The following CALN1 variants were observed in gnomAD, a reference collection of about 807,000 sequenced individuals.
CALN1 encodes the protein calcium-binding protein 8.
CALN1 carries 17 observed loss-of-function variants against 30.6 expected under a neutral mutation model. The ratio of observed to expected loss-of-function variants is 0.56; its 90% CI spans 0.38 to 0.83. CALN1 has a LOEUF of 0.83. Among genes scored for constraint, CALN1 ranks in the 40% least tolerant of loss-of-function variants. CALN1 has a pLI of 0.00. For synonymous variants in CALN1, 156 were observed against 131.4 expected, an observed-to-expected ratio of 1.19 and a Z score of -1.28; for missense variants, 291 against 354.9, an observed-to-expected ratio of 0.82 and a Z score of 1.45.
chr7:71,898,606 G>A (rs1455025047), intron 5 of CALN1, among the ~76,000 whole-genome samples: 1 of 152,106 alleles, frequency 6.6e-6, no homozygotes, highest in Non-Finnish European at 1.5e-5. Flanking sequence ...AAATATACAA[G>A]CCATGGTTTG....
At chr7:72,126,513 C>T (rs1808774978) in intron 3 of CALN1, among the ~76,000 whole-genome samples, 1 of 151,998 alleles carries the variant, frequency 6.6e-6, no homozygotes, top group Admixed American at 6.6e-5. Flanking sequence ...GGATAGACAC[C>T]CAAAAGAAAA....
upstream of CALN1, among the ~76,000 whole-genome samples, chr7:72,451,210 AG>A (rs879627224): frequency 3.3e-3 from 348 of 106,324 alleles, 1 homozygote; most frequent in East Asian, 8.8e-3. Flanking sequence ...AAGAAGAAGA[AG>A]GAGGAGGAGG....
At chr7:72,343,203 G>C (rs186823805) in intron 2 of CALN1, among the ~76,000 whole-genome samples, 1 of 152,312 alleles carries the variant, frequency 6.6e-6, no homozygotes, top group East Asian at 1.9e-4. Flanking sequence ...AGGGCTTATT[G>C]GAAGCTGGAG....
intron 2 of CALN1, among the ~76,000 whole-genome samples, chr7:72,378,730 A>G (rs1377856121): frequency 6.6e-6 from 1 of 151,268 alleles, no homozygotes; most frequent in Non-Finnish European, 1.5e-5. Flanking sequence ...CAAATATAAC[A>G]TCTTTTTCTG....
chr7:72,022,622 G>A (rs1800766639), intron 5 of CALN1, among the ~76,000 whole-genome samples: 1 of 152,132 alleles, frequency 6.6e-6, no homozygotes, highest in South Asian at 2.1e-4. Flanking sequence ...TTGAACTCCT[G>A]GCCTCAAGCG....
intron 3 of CALN1, among the ~76,000 whole-genome samples, chr7:72,198,882 C>A (rs190686267): frequency 6.6e-6 from 1 of 152,306 alleles, no homozygotes; most frequent in East Asian, 1.9e-4. Context: ...AGGAGGTCAT[C>A]AAGCTCTCAC....
chr7:72,074,593 A>C (rs1804611433), intron 4 of CALN1, among the ~76,000 whole-genome samples: 1 of 152,138 alleles, frequency 6.6e-6, no homozygotes, highest in East Asian at 1.9e-4. Context: ...TTTTTAGTAG[A>C]GATGGGGTTT....
intron 1 of CALN1, among the ~76,000 whole-genome samples, chr7:72,403,854 T>TG (rs1167867682): frequency 6.6e-6 from 1 of 152,186 alleles, no homozygotes; most frequent in Non-Finnish European, 1.5e-5. Context: ...AGAAACTAAA[T>TG]GGGGGACTGA....
intron 5 of CALN1, among the ~76,000 whole-genome samples, chr7:72,020,670 T>C (rs1407797863): frequency 6.6e-6 from 1 of 152,224 alleles, no homozygotes; most frequent in Non-Finnish European, 1.5e-5. Context: ...CCCTCCTTTC[T>C]CCAGCCTATC....
intron 4 of CALN1, among the ~76,000 whole-genome samples, chr7:72,024,322 T>G (rs1311501789): frequency 6.6e-6 from 1 of 152,238 alleles, no homozygotes; most frequent in Non-Finnish European, 1.5e-5. Context: ...CACTCTTACC[T>G]TCGCAGTCTC....
At chr7:72,273,043 C>T (rs1275043180) in intron 3 of CALN1, among the ~76,000 whole-genome samples, 2 of 151,994 alleles carry the variant, frequency 1.3e-5, no homozygotes, top group African/African-American at 4.8e-5. Context: ...CAGGAACAAC[C>T]ACCGAGACCC....
intron 2 of CALN1, among the ~76,000 whole-genome samples, chr7:72,393,031 T>C (rs1007516297): frequency 1.3e-5 from 2 of 151,830 alleles, no homozygotes; most frequent in South Asian, 2.1e-4. Flanking sequence ...ACCAGGAGTG[T>C]GTTAGATGAA....
intron 2 of CALN1, among the ~76,000 whole-genome samples, chr7:72,319,043 A>G (rs1055223108): frequency 1.3e-5 from 2 of 152,172 alleles, no homozygotes; most frequent in African/African-American, 2.4e-5. Flanking sequence ...TATCTACCCA[A>G]AGGAAAAGAA....
intron 5 of CALN1, among the ~76,000 whole-genome samples, chr7:72,016,278 A>G (rs982377285): frequency 3.3e-5 from 5 of 151,254 alleles, no homozygotes; most frequent in African/African-American, 1.2e-4. Flanking sequence ...GTCACTGTCA[A>G]TGATTGAATA....
At chr7:72,192,336 G>A (rs568546236) in intron 3 of CALN1, among the ~76,000 whole-genome samples, 3 of 152,032 alleles carry the variant, frequency 2.0e-5, no homozygotes, top group Non-Finnish European at 4.4e-5. Flanking sequence ...CTCCTGCCTC[G>A]GTCTTAGAAG....
At chr7:72,444,994 C>G (rs898007319) in intron 1 of CALN1, among the ~76,000 whole-genome samples, 2 of 148,784 alleles carry the variant, frequency 1.3e-5, no homozygotes, top group Admixed American at 6.8e-5. Flanking sequence ...GTTGCCAGAT[C>G]TAAACAAACT....
intron 3 of CALN1, among the ~76,000 whole-genome samples, chr7:72,194,592 CTTTTTTTT>C (rs1181135798): frequency 2.6e-5 from 3 of 115,686 alleles, no homozygotes; most frequent in African/African-American, 9.8e-5. Context: ...TAACTGGCCT[CTTTTTTTT>C]TTTTTTTTTT....
intron 3 of CALN1, among the ~76,000 whole-genome samples, chr7:72,221,142 T>C (rs1793256723): frequency 6.6e-6 from 1 of 152,098 alleles, no homozygotes; most frequent in South Asian, 2.1e-4. Context: ...TCTAAAACCA[T>C]AAACATGATG....
intron 4 of CALN1, among the ~76,000 whole-genome samples, chr7:72,054,056 T>G (rs895595001): frequency 2.0e-5 from 3 of 152,216 alleles, no homozygotes; most frequent in Non-Finnish European, 4.4e-5. Context: ...GATGGGCATT[T>G]GGGTTGGTGC....
Sources: allele counts gnomAD v4.1 joint callset (sites outside exome capture counted in the v4.1 genomes callset), GRCh38; gene constraint gnomAD v4.1.1; transcripts MANE v1.5; gene names NCBI Gene and HGNC (gene_info 2026-07-23, HGNC 2026-07-21).